NT5DC3: variants seen among roughly 807,000 people sequenced by gnomAD.
NT5DC3 encodes the protein 5'-nucleotidase domain-containing protein 3.
In NT5DC3, 42 loss-of-function variants were observed where a neutral mutation model predicts 67.8. The observed-to-expected ratio is 0.62, with a 90% CI of 0.48 to 0.80. The LOEUF is 0.80. Among genes scored for constraint, NT5DC3 ranks in the 30% least tolerant of loss-of-function variants. NT5DC3 has a pLI of 0.00. For synonymous variants in NT5DC3, 237 were observed against 255.6 expected (o/e 0.93, Z 0.69); for missense variants, 570 against 696.4 (o/e 0.82, Z 2.04).
At chr12:103,756,381 T>C in the NT5DC3 span, among the ~76,000 whole-genome samples, 4 of 152,196 alleles carry the variant, frequency 2.6e-5, no homozygotes, top group Non-Finnish European at 4.4e-5. Flanking sequence ...ATTCAAGCCA[T>C]AGAATGTAAG....
chr12:103,750,660 T>C, the NT5DC3 span: 1 of 1,614,262 alleles, frequency 6.2e-7, no homozygotes, highest in South Asian at 1.1e-5. Context: ...CATTGACCGC[T>C]GCTTACAGGA....
intron 2 of NT5DC3, 98 bp from the exon 3 acceptor site, chr12:103,807,027 C>T: frequency 4.2e-6 from 3 of 716,808 alleles, no homozygotes; most frequent in South Asian, 3.1e-5. Context: ...GTAGTTGATA[C>T]ACCAGTGGGA....
chr12:103,796,530 AAAAAG>A (rs553888327), intron 6 of NT5DC3, among the ~76,000 whole-genome samples: 139 of 151,840 alleles, frequency 9.2e-4, no homozygotes, highest in African/African-American at 3.3e-3. Flanking sequence ...TGTTCAAAAA[AAAAAG>A]AAGAGGCACC....
chr12:103,840,946 C>A lies in NT5DC3; in HGVS notation c.208+3G>T. ...GCCGGGGCGGGGTCGCCGCCTCACT[C>A]ACCTTCTGTGCTTCTCTTCGCCTCC... On this transcript the variant is annotated splice_donor_region_variant and intron_variant, in intron 1 of 13. Coordinates refer to ENST00000392876, the MANE Select transcript of NT5DC3 (RefSeq NM_001031701.3). 2 of 1,361,730 alleles carry A rather than the reference C, an allele frequency of 1.5e-6. No individual in the cohort carries two copies. The highest frequency in any genetic ancestry group is 1.8e-5 in the South Asian group (1 of 55,760). The allele number at this position is 1,361,730 out of a possible 1,614,324, so 84.4% of individuals were successfully genotyped here.
At chr12:103,839,784 A>T (rs1888302886) in intron 1 of NT5DC3, among the ~76,000 whole-genome samples, 1 of 152,144 alleles carries the variant, frequency 6.6e-6, no homozygotes, top group South Asian at 2.1e-4. Flanking sequence ...GTAAGCCACC[A>T]TTTCATAGAA....
intron 1 of NT5DC3, among the ~76,000 whole-genome samples, chr12:103,828,783 C>G (rs1027903761): frequency 3.3e-5 from 5 of 151,030 alleles, no homozygotes; most frequent in African/African-American, 1.2e-4. Context: ...CTGCAACACT[C>G]TGCCACACAG....
downstream of NT5DC3, among the ~76,000 whole-genome samples, chr12:103,771,571 C>G (rs531523402): frequency 6.6e-6 from 1 of 152,270 alleles, no homozygotes; most frequent in East Asian, 1.9e-4. Flanking sequence ...CACTGCAAAA[C>G]CCAAGCACCC....
At chr12:103,767,910 G>A (rs552620981), downstream of NT5DC3, among the ~76,000 whole-genome samples, 314 of 151,092 alleles carry the variant, frequency 2.1e-3, 2 homozygotes, top group African/African-American at 7.4e-3. Flanking sequence ...GTGAAACCCC[G>A]TCTCTACTAA....
rs1033945051 is a variant in NT5DC3, at chr12:103,812,559, A to AT, written c.393+2377dup. On this transcript the variant is annotated intron_variant, in intron 2 of 13. Transcript: ENST00000392876. ...TTTCATAAACTTTTTATGTTCACAA[A>AT]TTTTTTATTTTCATGAATATTTTAT... 5.9e-5 allele frequency among the ~76,000 whole-genome samples: 9 copies of AT among 152,282 alleles called. No individual in the cohort carries two copies. In the East Asian group the frequency reaches 1.5e-3, roughly 26 times the overall value.
chr12:103,811,433 T>C (rs915302310), intron 2 of NT5DC3, among the ~76,000 whole-genome samples: 34 of 152,114 alleles, frequency 2.2e-4, no homozygotes, highest in Middle Eastern at 3.4e-3. Context: ...CTCACTATGA[T>C]GGGATGAAAA....
the NT5DC3 span, chr12:103,755,170 G>A: frequency 2.4e-6 from 3 of 1,252,260 alleles, no homozygotes; most frequent in South Asian, 1.4e-5. Context: ...CTGTGTGCCA[G>A]GCACAGAGGT....
chr12:103,831,705 G>A (rs1211772933), intron 1 of NT5DC3, among the ~76,000 whole-genome samples: 3 of 151,460 alleles, frequency 2.0e-5, no homozygotes, highest in East Asian at 1.9e-4. Context: ...ACCAATAAAG[G>A]CCAACAAGTG....
At chr12:103,762,479 G>A in the NT5DC3 span, 51 of 1,602,762 alleles carry the variant, frequency 3.2e-5, no homozygotes, top group East Asian at 3.6e-4. Context: ...TGCTTCAGTC[G>A]GTGGCTGCGC....
chr12:103,763,600 C>T, the NT5DC3 span: 1 of 1,613,690 alleles, frequency 6.2e-7, no homozygotes, highest in South Asian at 1.1e-5. Context: ...TTCCTACGAC[C>T]CCTTCACGGT....
rs1250428999 is a variant in NT5DC3, at chr12:103,793,214, A to G, written c.969T>C (p.Asp323=). The G allele has an allele frequency of 8.7e-6, 14 of 1,609,222 alleles. No homozygotes were observed. The highest frequency in any genetic ancestry group is 1.2e-5 in the Non-Finnish European group (14 of 1,179,030). ...GCTTCTCAGCCTGAACAATGACCAC[A>G]TCGAACAGGTCCCTCCAGTCTTTCC... ...IVGKDWRDLF[D]VVIVQAEKPN... The change falls in exon 9 of 14, where the codon GAT becomes GAC. Residue 323 remains aspartate (D), a synonymous_variant. Transcript: ENST00000392876.
intron 6 of NT5DC3, 44 bp from the exon 7 acceptor site, chr12:103,794,041 T>A (rs753211709): frequency 6.8e-7 from 1 of 1,466,018 alleles, no homozygotes. Flanking sequence ...ACAACTGAGA[T>A]AGCCTGAGTA....
chr12:103,794,308 T>A (rs9706225), intron 6 of NT5DC3, among the ~76,000 whole-genome samples: 1 of 151,442 alleles, frequency 6.6e-6, no homozygotes, highest in East Asian at 1.9e-4. Context: ...CGCCAGCACA[T>A]CAGGCTAATT....
chr12:103,806,694 T>C (rs1347825413), intron 3 of NT5DC3, among the ~76,000 whole-genome samples, 161 bp downstream of exon 3: 1 of 152,216 alleles, frequency 6.6e-6, no homozygotes, highest in Non-Finnish European at 1.5e-5. Flanking sequence ...CATAGTCTCT[T>C]CCAGAAGATT....
At chr12:103,757,431 C>G in the NT5DC3 span, among the ~76,000 whole-genome samples, 2 of 152,198 alleles carry the variant, frequency 1.3e-5, no homozygotes, top group African/African-American at 4.8e-5. Flanking sequence ...TGAGATATAT[C>G]AGTGAACAAG....
Sources: gnomAD v4.1 joint callset for allele counts (sites outside exome capture counted in the v4.1 genomes callset) on GRCh38, gnomAD v4.1.1 for gene constraint, MANE v1.5 for transcripts, NCBI Gene and HGNC (gene_info 2026-07-23, HGNC 2026-07-21) for gene names.